MYO16: variants seen among roughly 807,000 people sequenced by gnomAD.
MYO16 encodes the protein unconventional myosin-XVI.
MYO16 carries 94 observed loss-of-function variants against 205.3 expected under a neutral mutation model. The observed-to-expected ratio is 0.46, with a 90% CI of 0.39 to 0.54. MYO16 has a LOEUF of 0.54. Among genes scored for constraint, MYO16 ranks in the 20% least tolerant of loss-of-function variants. MYO16 has a pLI of 0.00. For missense variants in MYO16, 2,315 were observed against 2,387.5 expected (o/e 0.97, Z 0.63); for synonymous variants, 988 against 954.0 (o/e 1.04, Z -0.66).
intron 20 of MYO16, among the ~76,000 whole-genome samples, chr13:108,966,558 T>C (rs1883799511): frequency 6.6e-6 from 1 of 152,234 alleles, no homozygotes; most frequent in Non-Finnish European, 1.5e-5. Flanking sequence ...TGGCAATGTG[T>C]AAATTCATAA....
chr13:108,639,117 T>G (rs960908590), intron 1 of MYO16, among the ~76,000 whole-genome samples: 1 of 152,136 alleles, frequency 6.6e-6, no homozygotes, highest in Non-Finnish European at 1.5e-5. Flanking sequence ...GAGCGAGTGA[T>G]GTGATCAGCT....
chr13:109,092,685 A>G (rs1594078407), intron 27 of MYO16, among the ~76,000 whole-genome samples: 2 of 152,210 alleles, frequency 1.3e-5, no homozygotes, highest in African/African-American at 4.8e-5. Context: ...ATGTTTACCT[A>G]TGTAACAAAC....
chr13:108,667,935 G>A (rs1334220370), intron 2 of MYO16, among the ~76,000 whole-genome samples: 1 of 152,076 alleles, frequency 6.6e-6, no homozygotes, highest in Non-Finnish European at 1.5e-5. Context: ...AGCTACTCAA[G>A]GAGTTGAGGT....
intron 20 of MYO16, among the ~76,000 whole-genome samples, chr13:108,974,493 T>C (rs1022478901): frequency 2.0e-5 from 3 of 152,178 alleles, no homozygotes; most frequent in African/African-American, 7.2e-5. Flanking sequence ...GTTATAATAA[T>C]TTCTTAGTTT....
chr13:109,171,540 A>T (rs935366387), intron 33 of MYO16, among the ~76,000 whole-genome samples: 1 of 152,244 alleles, frequency 6.6e-6, no homozygotes, highest in African/African-American at 2.4e-5. Context: ...AATTATAGCT[A>T]TCACTTACTT....
Position 108,898,136 on chromosome 13 carries a change from A to C in MYO16, c.1777+3A>C. 6.2e-7 allele frequency: 1 copy of C among 1,600,240 alleles called. No homozygotes were observed. The highest frequency in any genetic ancestry group is 2.2e-5 in the East Asian group (1 of 44,804). On this transcript the variant is annotated splice_donor_region_variant and intron_variant, in intron 15 of 34. Transcript: ENST00000457511. ...GAGGAAACAACAGCTAACCGGAGGT[A>C]AGTGCAGTATTTGACAACGTGGATT...
chr13:109,022,935 GTAAA>G (rs1486563359), intron 23 of MYO16, among the ~76,000 whole-genome samples: 12 of 133,138 alleles, frequency 9.0e-5, no homozygotes, highest in Non-Finnish European at 1.7e-4. Context: ...ATATACACAT[GTAAA>G]TATATGTATA....
chr13:109,023,028 TTTA>T (rs1251531647), intron 23 of MYO16, among the ~76,000 whole-genome samples: 1 of 134,834 alleles, frequency 7.4e-6, no homozygotes, highest in Non-Finnish European at 1.5e-5. Context: ...TATGTATATA[TTTA>T]TATATTAATA....
intron 14 of MYO16, among the ~76,000 whole-genome samples, chr13:108,893,177 T>C (rs7326234): frequency 0.099 from 15,000 of 152,266 alleles, 1,191 homozygotes; most frequent in East Asian, 0.38. Flanking sequence ...AAATCATCAG[T>C]CATTATATCT....
chr13:108,591,183 C>A (rs1219334424), upstream of MYO16, among the ~76,000 whole-genome samples: 1 of 152,086 alleles, frequency 6.6e-6, no homozygotes, highest in Non-Finnish European at 1.5e-5. Flanking sequence ...AAAAGATCAC[C>A]AGGAGAGTCC....
intron 20 of MYO16, among the ~76,000 whole-genome samples, chr13:108,987,106 G>A (rs1391494756): frequency 6.6e-6 from 1 of 152,168 alleles, no homozygotes; most frequent in South Asian, 2.1e-4. Context: ...CCTCGCAAGG[G>A]GTCCGCAGTT....
At chr13:109,102,545 G>A (rs1003876223) in intron 28 of MYO16, among the ~76,000 whole-genome samples, 1 of 152,014 alleles carries the variant, frequency 6.6e-6, no homozygotes, top group Non-Finnish European at 1.5e-5. Flanking sequence ...AGATGTATGT[G>A]TATGAGGGAG....
At chr13:108,605,319 GA>G in intron 1 of MYO16, among the ~76,000 whole-genome samples, 1 of 152,084 alleles carries the variant, frequency 6.6e-6, no homozygotes. Flanking sequence ...CTCATCATCT[GA>G]TTTGCTCCAT....
intron 27 of MYO16, among the ~76,000 whole-genome samples, chr13:109,059,533 A>G (rs560302900): frequency 6.6e-6 from 1 of 152,064 alleles, no homozygotes; most frequent in Non-Finnish European, 1.5e-5. Context: ...GCTTTTTTTC[A>G]TATGTTTGTT....
At chr13:108,825,617 CA>C (rs1338452678) in intron 9 of MYO16, among the ~76,000 whole-genome samples, 1 of 127,684 alleles carries the variant, frequency 7.8e-6, no homozygotes. Flanking sequence ...GAATAGTATC[CA>C]AACTGGAAAT....
chr13:108,498,387 G>T, the MYO16 span, among the ~76,000 whole-genome samples: 3 of 152,120 alleles, frequency 2.0e-5, no homozygotes, highest in African/African-American at 7.2e-5. Context: ...CCACCAGAAT[G>T]GAGTGGTAGA....
intron 31 of MYO16, among the ~76,000 whole-genome samples, chr13:109,136,002 T>C (rs1876756800): frequency 6.6e-6 from 1 of 152,208 alleles, no homozygotes; most frequent in Admixed American, 6.5e-5. Context: ...CATGTTTTTC[T>C]GAAAATTCCC....
chr13:108,881,254 C>T (rs1202011043), intron 12 of MYO16, among the ~76,000 whole-genome samples: 1 of 152,156 alleles, frequency 6.6e-6, no homozygotes, highest in Non-Finnish European at 1.5e-5. Context: ...AACTAACAAA[C>T]AGAAAGGACA....
At chr13:108,632,794 G>C (rs945087753) in intron 1 of MYO16, among the ~76,000 whole-genome samples, 2 of 152,132 alleles carry the variant, frequency 1.3e-5, no homozygotes, top group African/African-American at 4.8e-5. Flanking sequence ...CCCCATGCCT[G>C]TTGAGAGGTA....
Sources: allele counts gnomAD v4.1 joint callset (sites outside exome capture counted in the v4.1 genomes callset), GRCh38; gene constraint gnomAD v4.1.1; transcripts MANE v1.5; gene names NCBI Gene and HGNC (gene_info 2026-07-23, HGNC 2026-07-21).